Variants in TEKT3 observed in about 807,000 individuals in gnomAD.
The protein encoded by TEKT3 is tektin 3, also known as tektin-3.
A neutral mutation model predicts 49.8 loss-of-function variants in TEKT3; 49 were observed. The ratio of observed to expected loss-of-function variants is 0.98; its 90% CI spans 0.78 to 1.25. TEKT3 has a LOEUF of 1.25. Ranked by LOEUF, TEKT3 falls within the 50% of genes most tolerant of loss-of-function variation. The probability of loss-of-function intolerance (pLI) is 0.00; values close to 1 mark genes in which losing one functional copy is unlikely to be tolerated. For synonymous variants in TEKT3, 225 were observed against 237.2 expected (o/e 0.95, Z 0.47); for missense variants, 595 against 629.5 (o/e 0.95, Z 0.59).
chr17:15,324,718 A>G (rs1911415030), intron 4 of TEKT3, among the ~76,000 whole-genome samples: 1 of 152,170 alleles, frequency 6.6e-6, no homozygotes, highest in African/African-American at 2.4e-5. Flanking sequence ...TATATATTCT[A>G]CATACAACTC....
intron 8 of TEKT3, among the ~76,000 whole-genome samples, chr17:15,307,407 C>T (rs1457276688): frequency 2.0e-5 from 3 of 152,264 alleles, no homozygotes; most frequent in Non-Finnish European, 4.4e-5. Flanking sequence ...CACTCACCCA[C>T]TCCTGCCTCA....
chr17:15,336,129 C>A (rs1006628222), intron 2 of TEKT3, among the ~76,000 whole-genome samples: 19 of 151,628 alleles, frequency 1.3e-4, no homozygotes, highest in African/African-American at 3.9e-4. Context: ...CACACACATA[C>A]GTGCACACAC....
rs542814960 is a variant in TEKT3 at position 15,318,180 on chromosome 17, G to A, written c.734+897C>T. 4.0e-5 allele frequency among the ~76,000 whole-genome samples: 6 copies of A among 151,626 alleles called. No homozygotes were observed. In the South Asian group the frequency reaches 6.3e-4, roughly 16 times the overall value. On this transcript the variant is annotated intron_variant, in intron 5 of 8. Transcript: ENST00000395930. ...AATTTTTTGTATTTTTAGTAGAGAC[G>A]GACTTTCATGGTGTTAGCCAGGATG...
Position 15,308,977 on chromosome 17 carries a change from C to T in TEKT3, c.1102-159G>A, listed in dbSNP as rs994328693. ...CCGTCTATCCTTTCCAGCCCTGCCC[C>T]AGGGAACCCACGTGTCTCACTGGAG... is the stretch of plus-strand genomic sequence containing the variant. On this transcript the variant is annotated intron_variant, in intron 7 of 8. Coordinates refer to ENST00000395930, the MANE Select transcript of TEKT3 (RefSeq NM_031898.3). 5.2e-5 allele frequency: 44 copies of T among 848,738 alleles called. No homozygotes were observed. The Admixed American group carries it at 1.1e-3, about 21-fold the overall frequency. The allele number at this position is 848,738 out of a possible 1,614,324, so 52.6% of individuals were successfully genotyped here. A position where few individuals can be genotyped will look rare whatever the true frequency, so the allele number is the denominator to read the frequency against.
intron 2 of TEKT3, among the ~76,000 whole-genome samples, chr17:15,336,825 C>A (rs1426182918): frequency 1.3e-5 from 2 of 151,914 alleles, no homozygotes; most frequent in Non-Finnish European, 2.9e-5. Context: ...AACTAAGGAC[C>A]CATGGGTATG....
rs915239627 is a variant in TEKT3 at position 15,330,178 on chromosome 17, A to G, written c.579+829T>C. On this transcript the variant is annotated intron_variant, in intron 3 of 8. Coordinates refer to ENST00000395930, the MANE Select transcript of TEKT3 (RefSeq NM_031898.3). ...CTACATCCTAAAAGGGAATCATAAC[A>G]TATATACAGGAGGCGTTTCATGATA... 3.3e-5 allele frequency among the ~76,000 whole-genome samples: 5 copies of G among 152,338 alleles called. No individual in the cohort carries two copies. In the East Asian group the frequency reaches 9.6e-4, roughly 29 times the overall value.
At chr17:15,325,440 T>G (rs1911449712) in intron 4 of TEKT3, among the ~76,000 whole-genome samples, 1 of 152,184 alleles carries the variant, frequency 6.6e-6, no homozygotes, top group Admixed American at 6.5e-5. Context: ...TCAGCAATAT[T>G]TTGAATTTCT....
chr17:15,314,336 C>T (rs1263460891), intron 5 of TEKT3, 106 bp from the exon 6 acceptor site: 38 of 1,434,908 alleles, frequency 2.6e-5, no homozygotes, highest in Non-Finnish European at 3.6e-5. Flanking sequence ...GTTGCTCTCA[C>T]CATCTCTCCC....
Position 15,328,025 on chromosome 17 carries a change from T to C in TEKT3, c.630A>G (p.Leu210=). 1 of 1,614,132 alleles carries C rather than the reference T, an allele frequency of 6.2e-7. No homozygotes were observed. The highest frequency in any genetic ancestry group is 8.5e-7 in the Non-Finnish European group (1 of 1,179,980). ...GTTGTGCTTCAACTTCATCGTGAAC[T>C]AGGTCGATTCCCATTCTCTTTTCTC... The part of the protein sequence containing the change: ...FHREKRMGID[L]VHDEVEAQLL... Residue 210 remains leucine (L), a synonymous_variant, in exon 4 of 9, where the codon CTA becomes CTG. Transcript: ENST00000395930.
intron 8 of TEKT3, chr17:15,307,143 G>A (rs796413168): frequency 2.0e-5 from 3 of 152,354 alleles, no homozygotes; most frequent in South Asian, 2.1e-4. Flanking sequence ...CACGTAAGGT[G>A]TTTCATCATA....
chr17:15,334,772 C>A (rs1378795664), intron 2 of TEKT3, among the ~76,000 whole-genome samples: 1 of 152,186 alleles, frequency 6.6e-6, no homozygotes, highest in African/African-American at 2.4e-5. Flanking sequence ...CACCAGCCAT[C>A]TTGTAAGCCA....
chr17:15,336,546 C>T (rs954907621), intron 2 of TEKT3, among the ~76,000 whole-genome samples: 1 of 150,908 alleles, frequency 6.6e-6, no homozygotes, highest in African/African-American at 2.4e-5. Context: ...AAATGGTAAG[C>T]ATGTGTGCTA....
Position 15,308,648 on chromosome 17 carries a change from T to C in TEKT3, c.1256+16A>G. On this transcript the variant is annotated intron_variant, in intron 8 of 8. Coordinates refer to ENST00000395930, the MANE Select transcript of TEKT3 (RefSeq NM_031898.3). The stretch of plus-strand genomic sequence containing the variant: ...GGCCCTCCGAGCGAGCCCCGAGCCT[T>C]CCCCTCCCACCTTACCGTAGCTGAG... 1.9e-6 allele frequency: 3 copies of C among 1,595,880 alleles called. No homozygotes were observed. The highest frequency in any genetic ancestry group is 2.3e-5 in the East Asian group (1 of 44,368).
rs185634212 is a variant in TEKT3, at chr17:15,326,614, C to G, written c.663+1378G>C. ...AGCAAGCCATGGTGATGAAGGAACA[C>G]TGGTACCATCAATAGAAAGGGACAG... On this transcript the variant is annotated intron_variant, in intron 4 of 8. Coordinates refer to ENST00000395930, the MANE Select transcript of TEKT3 (RefSeq NM_031898.3). Among the ~76,000 whole-genome samples the G allele has an allele frequency of 3.6e-3, 544 of 152,234 alleles. 3 individuals carry two copies. Among genetic ancestry groups the G allele is most frequent in the African/African-American group, 0.012 (511 of 41,540 alleles).
intron 7 of TEKT3, among the ~76,000 whole-genome samples, chr17:15,309,393 C>G (rs1474821466): frequency 6.6e-6 from 1 of 152,094 alleles, no homozygotes; most frequent in Non-Finnish European, 1.5e-5. Flanking sequence ...GTTTTGTATT[C>G]CTGATTTTGT....
intron 5 of TEKT3, 166 bp from the exon 6 acceptor site, chr17:15,314,396 T>C: frequency 1.2e-6 from 1 of 866,618 alleles, no homozygotes; most frequent in Non-Finnish European, 1.9e-6. Flanking sequence ...TCTCTGGATA[T>C]GCCCATACCT....
intron 7 of TEKT3, 118 bp from the exon 8 acceptor site, chr17:15,308,936 A>G (rs1008450969): frequency 5.6e-5 from 72 of 1,276,378 alleles, no homozygotes; most frequent in Non-Finnish European, 7.7e-5. Context: ...CTGATGAGGA[A>G]GTTGCTTCAC....
chr17:15,323,586 T>C (rs193272253), intron 4 of TEKT3, among the ~76,000 whole-genome samples: 1 of 152,360 alleles, frequency 6.6e-6, no homozygotes, highest in African/African-American at 2.4e-5. Flanking sequence ...AAGAAAATAT[T>C]TCGTTGCATC....
intron 5 of TEKT3, among the ~76,000 whole-genome samples, chr17:15,318,842 A>G (rs1180436200): frequency 1.3e-5 from 2 of 152,246 alleles, no homozygotes; most frequent in East Asian, 3.8e-4. Flanking sequence ...TTATGGGTAC[A>G]TAATGGGTAT....
Sources: gnomAD v4.1 joint callset for allele counts (sites outside exome capture counted in the v4.1 genomes callset) on GRCh38, gnomAD v4.1.1 for gene constraint, MANE v1.5 for transcripts, NCBI Gene and HGNC (gene_info 2026-07-23, HGNC 2026-07-21) for gene names.